Variants in RAD54B observed in about 807,000 individuals in gnomAD.
The protein encoded by RAD54B is DNA repair and recombination protein RAD54B.
Under a neutral mutation model 95.8 loss-of-function variants are expected in RAD54B, and 78 were observed. The observed-to-expected ratio is 0.81, with a 90% CI of 0.68 to 0.98. RAD54B has a LOEUF of 0.98. RAD54B is among the 50% of genes least tolerant of loss of function. The pLI, the probability that RAD54B is intolerant of heterozygous loss-of-function variation, is 0.00. For synonymous variants in RAD54B, 328 were observed against 354.9 expected (o/e 0.92, Z 0.85); for missense variants, 957 against 1,056.6 (o/e 0.91, Z 1.31).
intron 4 of RAD54B, among the ~76,000 whole-genome samples, chr8:94,409,442 C>A (rs1469015077): frequency 6.6e-6 from 1 of 151,804 alleles, no homozygotes; most frequent in Non-Finnish European, 1.5e-5. Context: ...AGGATCAAGG[C>A]TCACTGCAGC....
intron 3 of RAD54B, among the ~76,000 whole-genome samples, chr8:94,426,005 T>TA (rs1323082849): frequency 1.3e-5 from 2 of 152,102 alleles, no homozygotes; most frequent in Non-Finnish European, 2.9e-5. Context: ...CAAGCTGGAG[T>TA]ACAGTGGCGT....
intron 8 of RAD54B, among the ~76,000 whole-genome samples, chr8:94,398,258 A>T (rs1811190588): frequency 1.3e-5 from 2 of 152,064 alleles, no homozygotes; most frequent in Non-Finnish European, 2.9e-5. Flanking sequence ...TCCCAAAATC[A>T]TTTTTTTAAA....
intron 3 of RAD54B, chr8:94,429,996 T>C (rs1272639059): frequency 6.1e-6 from 6 of 985,230 alleles, no homozygotes; most frequent in Non-Finnish European, 7.2e-6. Context: ...GGCTTCTCAT[T>C]GTACGTTAAG....
chr8:94,387,734 C>A (rs1445919198), intron 10 of RAD54B, among the ~76,000 whole-genome samples: 1 of 152,136 alleles, frequency 6.6e-6, no homozygotes, highest in African/African-American at 2.4e-5. Flanking sequence ...TTTTATTTCA[C>A]CAATAGTTGT....
chr8:94,435,979 C>G (rs1313983725), intron 3 of RAD54B, among the ~76,000 whole-genome samples: 1 of 151,954 alleles, frequency 6.6e-6, no homozygotes, highest in Admixed American at 6.6e-5. Flanking sequence ...CACAATCATG[C>G]CATTAACAAG....
chr8:94,402,454 A>G (rs1188000895), intron 6 of RAD54B, among the ~76,000 whole-genome samples: 1 of 152,134 alleles, frequency 6.6e-6, no homozygotes, highest in East Asian at 1.9e-4. Context: ...GGATTTCACC[A>G]TGTTAGCCAG....
chr8:94,393,720 C>G (rs1811074685), intron 9 of RAD54B, 23 bp downstream of exon 9: 2 of 1,527,956 alleles, frequency 1.3e-6, no homozygotes, highest in East Asian at 4.5e-5. Context: ...TTTTAAAAAC[C>G]TATTTATTAG....
intron 8 of RAD54B, among the ~76,000 whole-genome samples, chr8:94,395,980 C>T (rs548173289): frequency 6.6e-6 from 1 of 151,964 alleles, no homozygotes; most frequent in African/African-American, 2.4e-5. Flanking sequence ...ATCATCCCAA[C>T]TGATATACAA....
chr8:94,425,493 C>G lies in RAD54B; in HGVS notation c.305-14178G>C, dbSNP rs1416746680. Among the ~76,000 whole-genome samples the G allele has an allele frequency of 3.3e-5, 5 of 152,000 alleles. No individual in the cohort carries two copies. The East Asian group carries it at 9.7e-4, about 29-fold the overall frequency. On this transcript the variant is annotated intron_variant, in intron 3 of 14. Coordinates refer to ENST00000336148, the MANE Select transcript of RAD54B (RefSeq NM_012415.3). ...GATCATGTTTTGAGTTTTAAAATTA[C>G]CAAAACCTACCAATGTTTAATATGC...
At chr8:94,420,502 G>A (rs930654305) in intron 3 of RAD54B, among the ~76,000 whole-genome samples, 1 of 151,412 alleles carries the variant, frequency 6.6e-6, no homozygotes, top group African/African-American at 2.4e-5. Flanking sequence ...TTAAGCGTCT[G>A]GTCTACGTCA....
At chr8:94,400,988 T>C (rs1356903334) in intron 6 of RAD54B, among the ~76,000 whole-genome samples, 8 of 152,138 alleles carry the variant, frequency 5.3e-5, no homozygotes, top group African/African-American at 1.9e-4. Context: ...TTAGTAAAAG[T>C]TGTTATCCTA....
At chr8:94,446,269 T>G (rs998462204) in intron 3 of RAD54B, among the ~76,000 whole-genome samples, 1 of 152,192 alleles carries the variant, frequency 6.6e-6, no homozygotes. Flanking sequence ...AAATTTTTTC[T>G]GTATTTTAGG....
chr8:94,402,862 GT>G (rs1811295295), intron 6 of RAD54B, among the ~76,000 whole-genome samples: 1 of 152,164 alleles, frequency 6.6e-6, no homozygotes, highest in African/African-American at 2.4e-5. Flanking sequence ...TATGACATCG[GT>G]TACTAGAGAT....
intron 3 of RAD54B, chr8:94,431,142 T>C (rs1812083120): frequency 7.5e-6 from 7 of 930,680 alleles, no homozygotes; most frequent in Admixed American, 6.2e-5. Flanking sequence ...TTAATATGTA[T>C]GCTTTAAGAA....
chr8:94,378,402 G>A, intron 13 of RAD54B, 22 bp from the exon 14 acceptor site: 2 of 1,591,288 alleles, frequency 1.3e-6, no homozygotes, highest in African/African-American at 1.4e-5. Flanking sequence ...ACATTAATTA[G>A]ATTTCCTTCA....
At chr8:94,431,835 G>C (rs890332953) in intron 3 of RAD54B, 20 of 1,042,064 alleles carry the variant, frequency 1.9e-5, no homozygotes, top group Non-Finnish European at 2.3e-5. Flanking sequence ...GAAAGAATAT[G>C]TGTTTGTATA....
intron 3 of RAD54B, among the ~76,000 whole-genome samples, chr8:94,451,863 G>GA (rs201302620): frequency 2.0e-4 from 30 of 146,832 alleles, no homozygotes; most frequent in South Asian, 4.3e-4. Context: ...GGTCCAGCAG[G>GA]AAAAAAAAAA....
At chr8:94,411,718 A>G (rs191050676) in intron 3 of RAD54B, among the ~76,000 whole-genome samples, 401 of 151,936 alleles carry the variant, frequency 2.6e-3, no homozygotes, top group African/African-American at 9.2e-3. Context: ...CAAAGATTAC[A>G]GAGTTCTCTG....
chr8:94,453,023 T>C (rs1325713073), intron 3 of RAD54B, among the ~76,000 whole-genome samples: 1 of 152,194 alleles, frequency 6.6e-6, no homozygotes, highest in Non-Finnish European at 1.5e-5. Context: ...CAATTTATCA[T>C]TATCCATCAA....
Sources: allele counts gnomAD v4.1 joint callset (sites outside exome capture counted in the v4.1 genomes callset), GRCh38; gene constraint gnomAD v4.1.1; transcripts MANE v1.5; gene names NCBI Gene and HGNC (gene_info 2026-07-23, HGNC 2026-07-21).